Variants in SSBP3 observed in about 807,000 individuals in gnomAD.
SSBP3 encodes single-stranded DNA-binding protein 3.
Under a neutral mutation model 69.6 loss-of-function variants are expected in SSBP3, and 5 were observed. That is an observed-to-expected ratio of 0.07 (90% confidence interval 0.04 to 0.15). SSBP3 has a LOEUF of 0.15. Ranked by LOEUF, SSBP3 falls within the 10% of genes least tolerant of loss-of-function variation. The probability of loss-of-function intolerance (pLI) is 1.00; values close to 1 mark genes in which losing one functional copy is unlikely to be tolerated. For missense variants in SSBP3, 312 were observed against 534.0 expected, an observed-to-expected ratio of 0.58 and a Z score of 4.10; for synonymous variants, 196 against 193.4, an observed-to-expected ratio of 1.01 and a Z score of -0.11.
chr1:54,317,966 C>A (rs147627688), intron 4 of SSBP3, among the ~76,000 whole-genome samples: 2 of 152,152 alleles, frequency 1.3e-5, no homozygotes, highest in African/African-American at 4.8e-5. Context: ...CAGGGTTTCA[C>A]CATGTTGGCC....
At chr1:54,385,018 G>C (rs1384579087) in intron 4 of SSBP3, among the ~76,000 whole-genome samples, 1 of 152,190 alleles carries the variant, frequency 6.6e-6, no homozygotes, top group African/African-American at 2.4e-5. Flanking sequence ...GGCCTGGGCA[G>C]GGACAGGGAA....
chr1:54,350,040 C>G (rs1646756498), intron 4 of SSBP3, among the ~76,000 whole-genome samples: 1 of 152,158 alleles, frequency 6.6e-6, no homozygotes, highest in East Asian at 1.9e-4. Context: ...ATTTCCACCT[C>G]TATTGGCTGT....
At chr1:54,359,691 G>A (rs1646921834) in intron 4 of SSBP3, among the ~76,000 whole-genome samples, 1 of 152,188 alleles carries the variant, frequency 6.6e-6, no homozygotes, top group South Asian at 2.1e-4. Context: ...AGTAAGAAAA[G>A]CTGTTATGTA....
At chr1:54,395,698 T>G (rs572651784) in intron 4 of SSBP3, among the ~76,000 whole-genome samples, 1 of 152,236 alleles carries the variant, frequency 6.6e-6, no homozygotes, top group African/African-American at 2.4e-5. Flanking sequence ...ATGGGAAAAC[T>G]GAGGCTCCCG....
intron 4 of SSBP3, among the ~76,000 whole-genome samples, chr1:54,288,281 T>G (rs1376080628): frequency 6.6e-6 from 1 of 152,164 alleles, no homozygotes; most frequent in African/African-American, 2.4e-5. Flanking sequence ...TACTGTGTGA[T>G]CTGATCAGGC....
At chr1:54,355,540 G>A (rs1403475347) in intron 4 of SSBP3, among the ~76,000 whole-genome samples, 1 of 152,036 alleles carries the variant, frequency 6.6e-6, no homozygotes, top group Non-Finnish European at 1.5e-5. Context: ...GTAGAAACAG[G>A]GTTTCACCAT....
At chr1:54,263,786 C>T (rs1262960347) in intron 5 of SSBP3, among the ~76,000 whole-genome samples, 1 of 152,236 alleles carries the variant, frequency 6.6e-6, no homozygotes, top group Non-Finnish European at 1.5e-5. Context: ...AACAGAGCAG[C>T]AGGGCTGAGG....
intron 9 of SSBP3, among the ~76,000 whole-genome samples, chr1:54,248,726 T>G (rs1358315863): frequency 6.6e-6 from 1 of 152,134 alleles, no homozygotes; most frequent in Non-Finnish European, 1.5e-5. Context: ...GCTACATCAA[T>G]GCCAGGCTTT....
intron 4 of SSBP3, among the ~76,000 whole-genome samples, chr1:54,336,239 G>A (rs555785013): frequency 6.6e-6 from 1 of 152,316 alleles, no homozygotes; most frequent in Non-Finnish European, 1.5e-5. Context: ...TTTACCCACT[G>A]GGTCTCTGCA....
intron 4 of SSBP3, among the ~76,000 whole-genome samples, chr1:54,380,088 G>C (rs1393755046): frequency 6.6e-6 from 1 of 152,168 alleles, no homozygotes; most frequent in Non-Finnish European, 1.5e-5. Flanking sequence ...GGCCAATCTC[G>C]CCAGGGAAAG....
intron 14 of SSBP3, chr1:54,238,453 TGTGGA>T (rs1644540118): frequency 2.6e-6 from 1 of 389,386 alleles, no homozygotes; most frequent in Admixed American, 3.3e-5. Context: ...AAGGGTTGCC[TGTGGA>T]GGGGAAGCAG....
intron 4 of SSBP3, among the ~76,000 whole-genome samples, chr1:54,357,396 G>C (rs901111263): frequency 2.6e-5 from 4 of 152,120 alleles, no homozygotes; most frequent in Non-Finnish European, 4.4e-5. Context: ...AGGTCAATGT[G>C]GGGGTGGGCA....
chr1:54,244,023 G>A (rs1489932009), intron 9 of SSBP3, among the ~76,000 whole-genome samples: 3 of 152,116 alleles, frequency 2.0e-5, no homozygotes, highest in East Asian at 1.9e-4. Flanking sequence ...TTGACCTCCT[G>A]GGCTCAAGCA....
chr1:54,297,122 TA>T (rs1162430371), intron 4 of SSBP3, among the ~76,000 whole-genome samples: 3 of 152,180 alleles, frequency 2.0e-5, no homozygotes, highest in Non-Finnish European at 4.4e-5. Context: ...CAAACTCACA[TA>T]CCACCCACCA....
At chr1:54,401,974 G>A (rs1649336439) in intron 3 of SSBP3, 29 bp from the exon 4 acceptor site, 2 of 1,596,792 alleles carry the variant, frequency 1.3e-6, no homozygotes. Context: ...AATAAGGTCA[G>A]GTTACTAATT....
At chr1:54,342,017 G>T (rs1206820355) in intron 4 of SSBP3, among the ~76,000 whole-genome samples, 2 of 152,238 alleles carry the variant, frequency 1.3e-5, no homozygotes, top group African/African-American at 4.8e-5. Context: ...ACGAAGGCAG[G>T]CTTTCAAAAT....
At chr1:54,291,383 T>C (rs902538716) in intron 4 of SSBP3, among the ~76,000 whole-genome samples, 7 of 152,112 alleles carry the variant, frequency 4.6e-5, no homozygotes, top group African/African-American at 1.7e-4. Context: ...ACACTGCCTC[T>C]TCTGTGTAAA....
chr1:54,394,336 A>G (rs574673360), intron 4 of SSBP3, among the ~76,000 whole-genome samples: 94 of 152,300 alleles, frequency 6.2e-4, no homozygotes, highest in African/African-American at 2.2e-3. Context: ...TGATAAATAT[A>G]TATTTCGTTA....
chr1:54,292,046 C>CT (rs1203480737), intron 4 of SSBP3, among the ~76,000 whole-genome samples: 1 of 152,194 alleles, frequency 6.6e-6, no homozygotes. Context: ...GTAGCAATGG[C>CT]TGGGCCTGCA....
Sources: gnomAD v4.1 joint callset for allele counts (sites outside exome capture counted in the v4.1 genomes callset) on GRCh38, gnomAD v4.1.1 for gene constraint, MANE v1.5 for transcripts, NCBI Gene and HGNC (gene_info 2026-07-23, HGNC 2026-07-21) for gene names.